Variants in CCNK observed in about 807,000 individuals in gnomAD.
CCNK encodes the protein cyclin-K.
In CCNK, 9 loss-of-function variants were observed where a neutral mutation model predicts 65.0. That is an observed-to-expected ratio of 0.14 (90% CI 0.08 to 0.24). The LOEUF (loss-of-function observed/expected upper bound fraction) is 0.24, where lower values mean the gene tolerates loss of function less well. CCNK is among the 10% of genes least tolerant of loss of function. The pLI is 1.00. For missense variants in CCNK, 474 were observed against 720.0 expected, an observed-to-expected ratio of 0.66 and a Z score of 3.91; for synonymous variants, 279 against 270.8, an observed-to-expected ratio of 1.03 and a Z score of -0.30.
chr14:99,503,779 A>G lies in CCNK; in HGVS notation c.1045+135A>G, dbSNP rs563325830. The G allele has an allele frequency of 1.3e-5, 9 of 697,540 alleles. No individual in the cohort carries two copies. The East Asian group carries it at 1.9e-4, about 15-fold the overall frequency. The allele number at this position is 697,540 out of a possible 1,614,324, so 43.2% of individuals were successfully genotyped here. A position where few individuals can be genotyped will look rare whatever the true frequency, so the allele number is the denominator to read the frequency against. ...TTTAGAGCTCATACAAAACTTTTCCATCAGCATTGTCTTTCTGTTCATCAC... is the reference window on the plus strand; with the variant it reads ...TTTAGAGCTCATACAAAACTTTTCCGTCAGCATTGTCTTTCTGTTCATCAC... On this transcript the variant is annotated intron_variant, in intron 9 of 10. Coordinates refer to ENST00000389879, the MANE Select transcript of CCNK (RefSeq NM_001099402.2).
chr14:99,490,734 C>T (rs1208088438), intron 1 of CCNK, among the ~76,000 whole-genome samples: 4 of 151,890 alleles, frequency 2.6e-5, no homozygotes, highest in African/African-American at 7.3e-5. Flanking sequence ...CAGACCATCC[C>T]GGCTAACACG....
chr14:99,501,903 C>T lies in CCNK; in HGVS notation c.576-304C>T, dbSNP rs549892900. 14 of 245,648 alleles carry T rather than the reference C, an allele frequency of 5.7e-5. No individual in the cohort carries two copies. The South Asian group carries it at 1.0e-3, about 18-fold the overall frequency. The allele number at this position is 245,648 out of a possible 1,614,324, so 15.2% of individuals were successfully genotyped here. ...CTCCATAAGATTTCATTTGAAGAAACAGTTGAGTGGCTAGGATTTCAACAG... is the reference window on the plus strand; with the variant it reads ...CTCCATAAGATTTCATTTGAAGAAATAGTTGAGTGGCTAGGATTTCAACAG... On this transcript the variant is annotated intron_variant, in intron 6 of 10. Transcript: ENST00000389879.
At chr14:99,509,127 A>T (rs1353384199) in intron 10 of CCNK, 4 of 152,230 alleles carry the variant, frequency 2.6e-5, no homozygotes, top group African/African-American at 9.6e-5. Flanking sequence ...CGTCTACCCA[A>T]CCAGGATGTC....
In CCNK at chr14:99,502,824, A is replaced by G; in HGVS notation, c.851A>G (p.Gln284Arg). The change falls in exon 8 of 11, where the codon CAA becomes CGA. Residue 284 changes from glutamine to arginine, a missense_variant. By Grantham distance (43) the Gln-to-Arg change is conservative. Around this residue, in one of 6 missense-constraint regions of CCNK, gnomAD observed 229 missense variants for 275.5 expected, o/e 0.83. Transcript: ENST00000389879. ...CCCCCATCTCTTCAGCCTACACCAC[A>G]AGTGCCGCAAGTACAGCAGTCACAG... Reference protein sequence around the residue: ...QQPPSLQPTPQVPQVQQSQPS... With the variant: ...QQPPSLQPTPRVPQVQQSQPS... The G allele has an allele frequency of 6.2e-7, 1 of 1,613,556 alleles. No homozygotes were observed. Among genetic ancestry groups the G allele is most frequent in the Admixed American group, 1.7e-5 (1 of 59,990 alleles).
chr14:99,497,900 C>G (rs1276074780), intron 4 of CCNK, among the ~76,000 whole-genome samples: 1 of 152,094 alleles, frequency 6.6e-6, no homozygotes, highest in South Asian at 2.1e-4. Context: ...TAACTATAAC[C>G]AAAAATGCAG....
intron 4 of CCNK, among the ~76,000 whole-genome samples, chr14:99,497,950 T>G (rs1896736859): frequency 6.6e-6 from 1 of 152,222 alleles, no homozygotes; most frequent in African/African-American, 2.4e-5. Flanking sequence ...ATGTTTTCAA[T>G]GTGCATGGGT....
At chr14:99,481,572 G>C (rs1896321518) in intron 1 of CCNK, 93 bp downstream of exon 1, 1 of 397,806 alleles carries the variant, frequency 2.5e-6, no homozygotes, top group Non-Finnish European at 4.4e-6. Context: ...ATCCACTGGC[G>C]GAGTCTCTCT....
At chr14:99,482,976 A>T (rs1230830400) in intron 1 of CCNK, among the ~76,000 whole-genome samples, 1 of 152,222 alleles carries the variant, frequency 6.6e-6, no homozygotes, top group Non-Finnish European at 1.5e-5. Context: ...TTACAGAGTG[A>T]TCATATTTTT....
intron 1 of CCNK, among the ~76,000 whole-genome samples, chr14:99,486,558 G>A (rs3918047): frequency 0.022 from 3,399 of 152,178 alleles, 127 homozygotes; most frequent in African/African-American, 0.077. Context: ...TCCACAAAAG[G>A]ATCTTAAAGT....
At position 99,510,801 on chromosome 14, in the gene CCNK, CTTTGTTTT is replaced by C; in HGVS notation, c.*23_*30del. On this transcript the variant is annotated 3_prime_UTR_variant, in exon 11 of 11. Coordinates refer to ENST00000389879, the MANE Select transcript of CCNK (RefSeq NM_001099402.2). The stretch of plus-strand genomic sequence containing the variant: ...GAGATAACGTGAGCCTTTTTTCCCT[CTTTGTTTT>C]TTTAACAAGATTTTCTAATCGACTT... The C allele has an allele frequency of 7.1e-7, 1 of 1,412,448 alleles. No individual in the cohort carries two copies. Among genetic ancestry groups the C allele is most frequent in the Non-Finnish European group, 9.2e-7 (1 of 1,082,794 alleles). 87.5% of individuals were successfully genotyped at this position (1,412,448 alleles called of 1,614,324 possible).
chr14:99,509,834 C>G, intron 10 of CCNK: 1 of 407,908 alleles, frequency 2.5e-6, no homozygotes, highest in Non-Finnish European at 4.4e-6. Flanking sequence ...AGCCCCCACA[C>G]GTTTTGCACT....
At chr14:99,501,582 G>A (rs1595315490) in intron 6 of CCNK, 169 bp downstream of exon 6, 10 of 586,202 alleles carry the variant, frequency 1.7e-5, no homozygotes, top group East Asian at 2.9e-5. Context: ...TCTGCTTCCC[G>A]GCAGAGGGTT....
At chr14:99,509,073 A>G (rs1317101634) in intron 10 of CCNK, 1 of 152,222 alleles carries the variant, frequency 6.6e-6, no homozygotes. Flanking sequence ...AATCCTGCTC[A>G]TGCTCGCTTT....
intron 5 of CCNK, 47 bp downstream of exon 5, chr14:99,500,918 C>T (rs1187632480): frequency 8.5e-7 from 1 of 1,182,642 alleles, no homozygotes; most frequent in South Asian, 1.4e-5. Context: ...GAAATCAAGT[C>T]TTTATAATTT....
chr14:99,492,668 A>G lies in CCNK; in HGVS notation c.-10A>G. ...AGAACCTTTTGGAAAGAACAAGCCT[A>G]CTTCAATAAATGAAGGAGAATAAAG... On this transcript the variant is annotated 5_prime_UTR_variant, in exon 2 of 11. Transcript: ENST00000389879. 6.3e-7 allele frequency: 1 copy of G among 1,594,220 alleles called. No individual in the cohort carries two copies. Among genetic ancestry groups the G allele is most frequent in the Non-Finnish European group, 8.5e-7 (1 of 1,173,158 alleles).
At chr14:99,500,937 T>C (rs1362326952) in intron 5 of CCNK, 66 bp downstream of exon 5, 1 of 977,482 alleles carries the variant, frequency 1.0e-6, no homozygotes, top group African/African-American at 1.7e-5. Flanking sequence ...TTGATGACAC[T>C]CAAATTACGC....
chr14:99,484,675 G>A (rs3918044), intron 1 of CCNK, among the ~76,000 whole-genome samples: 6,530 of 152,188 alleles, frequency 0.043, 467 homozygotes, highest in African/African-American at 0.15. Context: ...ATCAATATAG[G>A]AATACAGGAA....
chr14:99,494,424 G>A (rs1163359962), intron 3 of CCNK: 1 of 152,238 alleles, frequency 6.6e-6, no homozygotes, highest in African/African-American at 2.4e-5. Context: ...GAAAATGACA[G>A]ACTTAACATT....
chr14:99,500,895 A>G, intron 5 of CCNK, 24 bp downstream of exon 5: 1 of 1,343,582 alleles, frequency 7.4e-7, no homozygotes, highest in Non-Finnish European at 1.0e-6. Flanking sequence ...TTTCAGAAGA[A>G]TTTTTTCATT....
Sources: allele counts gnomAD v4.1 joint callset (sites outside exome capture counted in the v4.1 genomes callset), GRCh38; gene constraint gnomAD v4.1.1; regional missense constraint gnomAD v4.1.1; transcripts MANE v1.5; gene names NCBI Gene and HGNC (gene_info 2026-07-23, HGNC 2026-07-21).